COMMD1: variants seen among roughly 807,000 people sequenced by gnomAD.
COMMD1 encodes the protein copper metabolism domain containing 1, also known as COMM domain-containing protein 1.
Under a neutral mutation model 17.2 loss-of-function variants are expected in COMMD1, and 10 were observed. That is an observed-to-expected ratio of 0.58 (90% CI 0.36 to 0.99). The LOEUF (loss-of-function observed/expected upper bound fraction) is 0.99. COMMD1 is among the 50% of genes least tolerant of loss of function. The pLI is 0.01. For missense variants in COMMD1, 270 were observed against 231.8 expected (o/e 1.17, Z -1.07); for synonymous variants, 97 against 91.6 (o/e 1.06, Z -0.34).
At chr2:62,097,108 G>A (rs1672034333) in intron 2 of COMMD1, among the ~76,000 whole-genome samples, 1 of 152,120 alleles carries the variant, frequency 6.6e-6, no homozygotes, top group African/African-American at 2.4e-5. Flanking sequence ...TAGGAATATT[G>A]GACAGTAAGG....
intron 1 of COMMD1, among the ~76,000 whole-genome samples, chr2:61,920,050 G>A (rs1406984017): frequency 6.6e-6 from 1 of 152,174 alleles, no homozygotes; most frequent in African/African-American, 2.4e-5. Flanking sequence ...GATCACTTGA[G>A]CCCCAGAGGT....
At chr2:62,081,042 A>G (rs10197621) in intron 2 of COMMD1, among the ~76,000 whole-genome samples, 47 of 152,160 alleles carry the variant, frequency 3.1e-4, no homozygotes, top group African/African-American at 1.1e-3. Context: ...ATATGTATAT[A>G]TACCCTTAGA....
intron 2 of COMMD1, among the ~76,000 whole-genome samples, chr2:62,040,507 T>C (rs1670159792): frequency 6.6e-6 from 1 of 152,202 alleles, no homozygotes; most frequent in Non-Finnish European, 1.5e-5. Context: ...ACTTGTATTT[T>C]TCATGGTGAA....
intron 1 of COMMD1, among the ~76,000 whole-genome samples, chr2:61,923,697 G>A (rs1036331414): frequency 1.3e-5 from 2 of 152,182 alleles, no homozygotes; most frequent in East Asian, 1.9e-4. Flanking sequence ...ATTTTGTGGT[G>A]AGCAGGGAGC....
At chr2:61,950,517 G>T (rs1439707693) in intron 1 of COMMD1, among the ~76,000 whole-genome samples, 1 of 152,158 alleles carries the variant, frequency 6.6e-6, no homozygotes, top group African/African-American at 2.4e-5. Flanking sequence ...TATGTTCCAA[G>T]ACCCCAGTGG....
intron 2 of COMMD1, among the ~76,000 whole-genome samples, chr2:62,058,485 T>G (rs1670771138): frequency 6.6e-6 from 1 of 152,198 alleles, no homozygotes; most frequent in South Asian, 2.1e-4. Flanking sequence ...CTTCAAATTT[T>G]CTTCTTAAGA....
At chr2:62,065,653 T>A (rs150974786) in intron 2 of COMMD1, among the ~76,000 whole-genome samples, 24 of 152,304 alleles carry the variant, frequency 1.6e-4, no homozygotes, top group African/African-American at 5.8e-4. Context: ...TAACTGGAAA[T>A]TTAATTGTTG....
chr2:62,055,697 C>T (rs1256063794), intron 2 of COMMD1, among the ~76,000 whole-genome samples: 1 of 152,244 alleles, frequency 6.6e-6, no homozygotes, highest in African/African-American at 2.4e-5. Flanking sequence ...ATTGCTAAAG[C>T]TAAGAAGCCC....
chr2:61,961,891 G>A (rs562963692), intron 1 of COMMD1, among the ~76,000 whole-genome samples: 1 of 152,096 alleles, frequency 6.6e-6, no homozygotes, highest in South Asian at 2.1e-4. Context: ...TACTTGTTAT[G>A]TAGGTGGTCT....
At chr2:62,106,930 C>T (rs1341881479) in intron 2 of COMMD1, among the ~76,000 whole-genome samples, 1 of 152,110 alleles carries the variant, frequency 6.6e-6, no homozygotes, top group Non-Finnish European at 1.5e-5. Flanking sequence ...CTGGTGGGTC[C>T]CTAGGCCCTA....
chr2:62,025,532 TA>T (rs567601525), intron 2 of COMMD1, among the ~76,000 whole-genome samples: 2 of 151,662 alleles, frequency 1.3e-5, no homozygotes, highest in African/African-American at 2.4e-5. Flanking sequence ...CCTGTCTCTT[TA>T]AAAAAAACAA....
In COMMD1 at chr2:62,095,807, CAT is replaced by C. The variant is rs143205759; in HGVS notation, c.463-40011_463-40010del. Among the ~76,000 whole-genome samples the C allele has an allele frequency of 4.7e-4, 32 of 67,838 alleles. 3 individuals carry two copies. Among genetic ancestry groups the C allele is most frequent in the African/African-American group, 7.8e-4 (9 of 11,484 alleles). The allele number at this position is 67,838 out of a possible 152,430, so 44.5% of individuals were successfully genotyped here. On this transcript the variant is annotated intron_variant, in intron 2 of 2. Transcript: ENST00000311832. Reference sequence around the variant, plus strand: ...TTGTGTAGTCAAGTTTCACAGCATGCATATATATATATATGCATATCAGGGTT... The same window carrying C: ...TTGTGTAGTCAAGTTTCACAGCATGCATATATATATATGCATATCAGGGTT...
intron 1 of COMMD1, among the ~76,000 whole-genome samples, chr2:61,931,333 A>G (rs902722103): frequency 5.3e-5 from 8 of 152,086 alleles, no homozygotes; most frequent in Non-Finnish European, 7.4e-5. Flanking sequence ...TAAAAATAAA[A>G]TAAGGGAGGG....
chr2:61,994,683 G>C (rs747122272), intron 1 of COMMD1, among the ~76,000 whole-genome samples: 1 of 152,082 alleles, frequency 6.6e-6, no homozygotes, highest in Non-Finnish European at 1.5e-5. Context: ...CAGGAACTAG[G>C]GTCTTGGGAA....
intron 2 of COMMD1, among the ~76,000 whole-genome samples, chr2:62,122,675 T>C (rs1672782048): frequency 6.6e-6 from 1 of 152,230 alleles, no homozygotes; most frequent in African/African-American, 2.4e-5. Flanking sequence ...CAAGGCAGGG[T>C]GGCCTGGGCC....
At position 62,063,271 on chromosome 2, in the gene COMMD1, G is replaced by A. The variant is rs1573135024; in HGVS notation, c.462+62289G>A. Among the ~76,000 whole-genome samples, 8 of 152,176 alleles carry A rather than the reference G, an allele frequency of 5.3e-5. No homozygotes were observed. The South Asian group carries it at 1.2e-3, about 24-fold the overall frequency. ...ATATTAGCAGGTTGTGGTGGTGCAC[G>A]CCTGTAGTCTCAGCTACTAGGGAGC... On this transcript the variant is annotated intron_variant, in intron 2 of 2. Coordinates refer to ENST00000311832, the MANE Select transcript of COMMD1 (RefSeq NM_152516.4).
intron 2 of COMMD1, among the ~76,000 whole-genome samples, chr2:62,092,325 G>T (rs1285152713): frequency 6.6e-6 from 1 of 152,138 alleles, no homozygotes; most frequent in Non-Finnish European, 1.5e-5. Context: ...TTATTTGAGG[G>T]TTCATGAGGA....
chr2:61,984,564 C>A (rs1419910079), intron 1 of COMMD1, among the ~76,000 whole-genome samples: 1 of 152,166 alleles, frequency 6.6e-6, no homozygotes, highest in Non-Finnish European at 1.5e-5. Flanking sequence ...TTAGACTTGG[C>A]TTGTAGCCTA....
intron 1 of COMMD1, among the ~76,000 whole-genome samples, chr2:61,950,606 T>C (rs907844122): frequency 6.6e-6 from 1 of 152,258 alleles, no homozygotes; most frequent in Non-Finnish European, 1.5e-5. Flanking sequence ...AAGCACTTTA[T>C]GGCTTCTCTT....
Sources: allele counts gnomAD v4.1 joint callset (sites outside exome capture counted in the v4.1 genomes callset), GRCh38; gene constraint gnomAD v4.1.1; transcripts MANE v1.5; gene names NCBI Gene and HGNC (gene_info 2026-07-23, HGNC 2026-07-21).